Variants in MLXIP observed in about 807,000 individuals in gnomAD.
MLXIP encodes MLX-interacting protein.
Under a neutral mutation model 87.2 loss-of-function variants are expected in MLXIP, and 30 were observed. The observed-to-expected ratio is 0.34, with a 90% CI of 0.26 to 0.47. The LOEUF (loss-of-function observed/expected upper bound fraction) is 0.47, where lower values mean the gene tolerates loss of function less well. Among genes scored for constraint, MLXIP ranks in the 20% least tolerant of loss-of-function variants. The pLI is 1.00. For synonymous variants in MLXIP, 530 were observed against 514.0 expected (o/e 1.03, Z -0.42); for missense variants, 1,002 against 1,240.1 (o/e 0.81, Z 2.88).
intron 1 of MLXIP, among the ~76,000 whole-genome samples, chr12:122,090,056 G>A (rs922195862): frequency 3.3e-5 from 5 of 152,174 alleles, no homozygotes; most frequent in Admixed American, 2.6e-4. Flanking sequence ...TGGAGTCATG[G>A]TTACCAACCT....
In MLXIP at chr12:122,137,375, C is replaced by T. The variant is rs926399910; in HGVS notation, c.2033-94C>T. On this transcript the variant is annotated intron_variant, in intron 11 of 16. Coordinates refer to ENST00000319080, the MANE Select transcript of MLXIP (RefSeq NM_014938.6). The surrounding 1 kb of genome is among the most constrained non-coding windows in gnomAD (Gnocchi z 4.1). ...ACCAAGTGCAATACGTGGCTAGCAG[C>T]GAGCACCTCATAACCCTGCAGAGAC... 1.3e-5 allele frequency: 18 copies of T among 1,398,400 alleles called. No homozygotes were observed. The highest frequency in any genetic ancestry group is 2.2e-4 in the Middle Eastern group (1 of 4,564). 86.6% of individuals were successfully genotyped at this position (1,398,400 alleles called of 1,614,324 possible). A position where few individuals can be genotyped will look rare whatever the true frequency, so the allele number is the denominator to read the frequency against.
In MLXIP at chr12:122,143,898, G is replaced by C. The variant is rs1456042283; in HGVS notation, c.*2086G>C. The C allele has an allele frequency of 6.6e-6, 1 of 152,514 alleles. No individual in the cohort carries two copies. The highest frequency in any genetic ancestry group is 1.5e-5 in the Non-Finnish European group (1 of 68,032). The allele number at this position is 152,514 out of a possible 1,614,324, so 9.4% of individuals were successfully genotyped here. ...GCTGTTAGGTTGTGTGAGCCTTGAAGTGTGTGTGTGTGTCCCAGCGACTGT... is the reference window on the plus strand; with the variant it reads ...GCTGTTAGGTTGTGTGAGCCTTGAACTGTGTGTGTGTGTCCCAGCGACTGT... On this transcript the variant is annotated 3_prime_UTR_variant, in exon 17 of 17. Transcript: ENST00000319080.
chr12:122,138,145 A>G, intron 12 of MLXIP, 49 bp from the exon 13 acceptor site: 1 of 1,491,138 alleles, frequency 6.7e-7, no homozygotes, highest in Non-Finnish European at 9.1e-7. Context: ...AAGGGTGGAC[A>G]GTGTGCCTGC....
intron 1 of MLXIP, among the ~76,000 whole-genome samples, chr12:122,098,632 T>A (rs1362133380): frequency 1.3e-5 from 2 of 152,138 alleles, no homozygotes; most frequent in Non-Finnish European, 2.9e-5. Flanking sequence ...TCTGTGTAAT[T>A]TTTTTCCTCC....
chr12:122,084,429 A>C (rs748624582), intron 1 of MLXIP, among the ~76,000 whole-genome samples: 1 of 152,196 alleles, frequency 6.6e-6, no homozygotes, highest in Non-Finnish European at 1.5e-5. Flanking sequence ...CTGGGGAAAG[A>C]GTCCAGGTGA....
intron 1 of MLXIP, among the ~76,000 whole-genome samples, chr12:122,110,860 G>A (rs1221589795): frequency 6.6e-6 from 1 of 151,844 alleles, no homozygotes; most frequent in Non-Finnish European, 1.5e-5. Context: ...GGCGGATCAC[G>A]AGGTCAGGAG....
chr12:122,095,770 A>G (rs1471811748), intron 1 of MLXIP, among the ~76,000 whole-genome samples: 1 of 152,002 alleles, frequency 6.6e-6, no homozygotes, highest in African/African-American at 2.4e-5. Context: ...ACCCAGAGAT[A>G]ACTTGTCAGT....
At chr12:122,079,653 C>CG (rs921655440) in intron 1 of MLXIP, among the ~76,000 whole-genome samples, 19 of 152,242 alleles carry the variant, frequency 1.2e-4, no homozygotes, top group African/African-American at 4.3e-4. Context: ...ACCACCTGTT[C>CG]GGGGTGACTG....
rs976203385 is a variant in MLXIP at position 122,141,756 on chromosome 12, C to T, written c.2704C>T (p.Pro902Ser). Residue 902 changes from proline to serine, a missense_variant, in exon 17 of 17, where the codon CCA becomes TCA. Physicochemically the swap from Pro to Ser is moderately conservative, Grantham distance 74. Transcript: ENST00000319080. ...CATCCTCACAGACCCGGCACAGCTG[C>T]CAGAGCAGGCGTCCAAGGCTGTCAC... Reference protein sequence around the residue: ...TSILTDPAQLPEQASKAVTRI... With the variant: ...TSILTDPAQLSEQASKAVTRI... The T allele has an allele frequency of 6.2e-7, 1 of 1,613,864 alleles. No individual in the cohort carries two copies. The highest frequency in any genetic ancestry group is 1.7e-5 in the Admixed American group (1 of 60,028).
chr12:122,142,433 C>T lies in MLXIP; in HGVS notation c.*621C>T, dbSNP rs564764854. 1.8e-4 allele frequency: 74 copies of T among 418,062 alleles called. 1 individual carries two copies. The highest frequency in any genetic ancestry group is 8.9e-4 in the African/African-American group (44 of 49,476). The allele number at this position is 418,062 out of a possible 1,614,324, so 25.9% of individuals were successfully genotyped here. A position where few individuals can be genotyped will look rare whatever the true frequency, so the allele number is the denominator to read the frequency against. ...CCTCCAGGACACATGTGTGCAGAAA[C>T]GGTGGATGTGGAACACACAGGACCA... On this transcript the variant is annotated 3_prime_UTR_variant, in exon 17 of 17. Transcript: ENST00000319080.
At position 122,145,047 on chromosome 12, in the gene MLXIP, C is replaced by G. The variant is rs1344153453; in HGVS notation, c.*3235C>G. 1 of 152,298 alleles carries G rather than the reference C, an allele frequency of 6.6e-6. No homozygotes were observed. Among genetic ancestry groups the G allele is most frequent in the Non-Finnish European group, 1.5e-5 (1 of 68,090 alleles). The allele number at this position is 152,298 out of a possible 1,614,324, so 9.4% of individuals were successfully genotyped here. On this transcript the variant is annotated 3_prime_UTR_variant, in exon 17 of 17. Coordinates refer to ENST00000319080, the MANE Select transcript of MLXIP (RefSeq NM_014938.6). ...GTGGGTGGGAGACCCCAGAGCGGGG[C>G]AGGCGCCACTGAGGGCTTTTCTTGG...
rs1479843247 is a variant in MLXIP at position 122,138,277 on chromosome 12, C to T, written c.2238C>T (p.Ile746=). 1 of 1,613,694 alleles carries T rather than the reference C, an allele frequency of 6.2e-7. No individual in the cohort carries two copies. The highest frequency in any genetic ancestry group is 8.5e-7 in the Non-Finnish European group (1 of 1,179,830). Residue 746 remains isoleucine (I), a synonymous_variant, in exon 13 of 17, where the codon ATC becomes ATT. Coordinates refer to ENST00000319080, the MANE Select transcript of MLXIP (RefSeq NM_014938.6). ...GCTTCGACATGCTCAACAGCCTCAT[C>T]TCCAACAATTCCAAGCTGGTGAGTT... ...KMCFDMLNSL[I]SNNSKLTSHA...
intron 1 of MLXIP, among the ~76,000 whole-genome samples, chr12:122,081,182 G>A (rs73417656): frequency 0.029 from 4,399 of 152,106 alleles, 193 homozygotes; most frequent in African/African-American, 0.1. Flanking sequence ...GGTGCAAGAA[G>A]CTTATCTTGC....
intron 1 of MLXIP, among the ~76,000 whole-genome samples, chr12:122,088,624 G>A (rs186686509): frequency 6.6e-6 from 1 of 152,216 alleles, no homozygotes; most frequent in East Asian, 1.9e-4. Context: ...CAGCCGCCTG[G>A]GGCAGTTTTC....
chr12:122,081,510 T>A (rs1055787773), intron 1 of MLXIP, among the ~76,000 whole-genome samples: 5 of 152,200 alleles, frequency 3.3e-5, no homozygotes, highest in African/African-American at 1.2e-4. Flanking sequence ...CTACCTGGCT[T>A]TCAGGGAAGG....
chr12:122,131,912 CTTTTTTTTTT>C (rs60691591), intron 7 of MLXIP, among the ~76,000 whole-genome samples: 4 of 73,994 alleles, frequency 5.4e-5, no homozygotes, highest in African/African-American at 1.8e-4. Flanking sequence ...TGGTTGGCAC[CTTTTTTTTTT>C]TTTTTTTTTT....
intron 1 of MLXIP, among the ~76,000 whole-genome samples, chr12:122,087,633 T>G (rs988178089): frequency 6.6e-6 from 1 of 152,114 alleles, no homozygotes; most frequent in African/African-American, 2.4e-5. Flanking sequence ...GGAGGTAAGA[T>G]AGAAGAGGCA....
chr12:122,123,280 G>T (rs528201915), intron 1 of MLXIP, among the ~76,000 whole-genome samples: 6 of 152,304 alleles, frequency 3.9e-5, no homozygotes, highest in African/African-American at 1.4e-4. Flanking sequence ...TTGCCTTGGG[G>T]GCGGGCTGGG....
chr12:122,106,499 T>A (rs1301314891), intron 1 of MLXIP, among the ~76,000 whole-genome samples: 4 of 152,106 alleles, frequency 2.6e-5, no homozygotes, highest in Admixed American at 1.3e-4. Flanking sequence ...TTGGTAAGTG[T>A]TGCTGGGATG....
Sources: gnomAD v4.1 joint callset for allele counts (sites outside exome capture counted in the v4.1 genomes callset) on GRCh38, gnomAD v4.1.1 for gene constraint, Gnocchi (gnomAD v3.1) non-coding constraint, MANE v1.5 for transcripts, NCBI Gene and HGNC (gene_info 2026-07-23, HGNC 2026-07-21) for gene names.